Variants in PNPLA1 observed in about 807,000 individuals in gnomAD.
PNPLA1 encodes the protein patatin like domain 1, omega-hydroxyceramide transacylase, also known as omega-hydroxyceramide transacylase.
Under a neutral mutation model 51.7 loss-of-function variants are expected in PNPLA1, and 36 were observed. The ratio of observed to expected loss-of-function variants is 0.70; its 90% CI spans 0.53 to 0.92. The LOEUF (loss-of-function observed/expected upper bound fraction) is 0.92. PNPLA1 is among the 40% of genes least tolerant of loss of function. The pLI is 0.00. For missense variants in PNPLA1, 658 were observed against 682.5 expected, an observed-to-expected ratio of 0.96 and a Z score of 0.40; for synonymous variants, 293 against 280.1, an observed-to-expected ratio of 1.05 and a Z score of -0.46.
At chr6:36,282,044 GGAAAGAAAGAAA>G (rs553265176) in intron 1 of PNPLA1, among the ~76,000 whole-genome samples, 2 of 34,568 alleles carry the variant, frequency 5.8e-5, no homozygotes, top group South Asian at 1.1e-3. Flanking sequence ...AAAGAAAGAA[GGAAAGAAAGAAA>G]GAAAGAAAGA....
rs1274268192 is a variant in PNPLA1, at chr6:36,295,352, C to T, written c.715-12C>T. ...GCAGCCTTGGTAATTCTCCTGGTGC[C>T]TCCGCCCACAGATCCTGCACGATTA... is the stretch of plus-strand genomic sequence containing the variant. On this transcript the variant is annotated splice_polypyrimidine_tract_variant and intron_variant, in intron 4 of 8. Coordinates refer to ENST00000636260, the MANE Select transcript of PNPLA1 (RefSeq NM_001374623.1). 6.2e-7 allele frequency: 1 copy of T among 1,614,066 alleles called. No homozygotes were observed. Among genetic ancestry groups the T allele is most frequent in the Non-Finnish European group, 8.5e-7 (1 of 1,180,016 alleles).
At chr6:36,303,188 G>A (rs1049002928) in intron 6 of PNPLA1, among the ~76,000 whole-genome samples, 5 of 151,998 alleles carry the variant, frequency 3.3e-5, no homozygotes, top group African/African-American at 7.2e-5. Flanking sequence ...TCTGCCTCCC[G>A]GGTTCACGCC....
At chr6:36,253,053 A>G (rs1168095212) in intron 1 of PNPLA1, among the ~76,000 whole-genome samples, 3 of 152,056 alleles carry the variant, frequency 2.0e-5, no homozygotes, top group East Asian at 3.9e-4. Context: ...GGTGGCATGC[A>G]CCTGTAGTCC....
intron 7 of PNPLA1, among the ~76,000 whole-genome samples, chr6:36,307,263 A>G (rs1046342239): frequency 1.3e-5 from 2 of 152,324 alleles, no homozygotes; most frequent in Admixed American, 6.5e-5. Flanking sequence ...AATTTTAACC[A>G]TAAAACTTTT....
At chr6:36,284,102 G>T (rs756328363) in intron 1 of PNPLA1, among the ~76,000 whole-genome samples, 1 of 152,294 alleles carries the variant, frequency 6.6e-6, no homozygotes, top group African/African-American at 2.4e-5. Context: ...CCTGGATTCT[G>T]GGGGGAAAAG....
chr6:36,282,237 A>AGAAGGAAG (rs1770339182), intron 1 of PNPLA1, among the ~76,000 whole-genome samples: 2 of 32,092 alleles, frequency 6.2e-5, no homozygotes, highest in Non-Finnish European at 1.5e-4. Flanking sequence ...AAGGAAGGAA[A>AGAAGGAAG]GAAAGAAAGA....
upstream of PNPLA1, among the ~76,000 whole-genome samples, chr6:36,265,735 G>A (rs1458605736): frequency 1.3e-5 from 2 of 152,170 alleles, no homozygotes; most frequent in African/African-American, 4.8e-5. Context: ...CACACAAATG[G>A]TGTGGGGGTT....
chr6:36,243,678 T>C (rs111895061), intron 1 of PNPLA1, among the ~76,000 whole-genome samples: 147 of 152,258 alleles, frequency 9.7e-4, no homozygotes, highest in African/African-American at 3.4e-3. Flanking sequence ...GGGGCTTTGC[T>C]CTGGGAGGAA....
chr6:36,282,285 A>G (rs951978838), intron 1 of PNPLA1, among the ~76,000 whole-genome samples: 4 of 152,194 alleles, frequency 2.6e-5, no homozygotes, highest in African/African-American at 7.2e-5. Flanking sequence ...ATCAAATGGC[A>G]TGACAAATAC....
At chr6:36,300,178 T>TGTGTGTGTGAGAGAGAGAGAGA in intron 5 of PNPLA1, among the ~76,000 whole-genome samples, 120 of 98,130 alleles carry the variant, frequency 1.2e-3, no homozygotes, top group Admixed American at 2.5e-3. Flanking sequence ...TGTGTGTGTG[T>TGTGTGTGTGAGAGAGAGAGAGA]GAGAGAGAGA....
chr6:36,263,641 T>A (rs931661816), intron 1 of PNPLA1, among the ~76,000 whole-genome samples: 2 of 152,174 alleles, frequency 1.3e-5, no homozygotes, highest in African/African-American at 4.8e-5. Flanking sequence ...ATGCCCATTG[T>A]ATTAACCATG....
chr6:36,272,676 A>T (rs1232344000), intron 1 of PNPLA1, among the ~76,000 whole-genome samples: 1 of 152,108 alleles, frequency 6.6e-6, no homozygotes, highest in Non-Finnish European at 1.5e-5. Flanking sequence ...TGGATTCAGG[A>T]CGTGCTTTGA....
Position 36,291,351 on chromosome 6 carries a change from G to A in PNPLA1, c.237G>A (p.Val79=), listed in dbSNP as rs966574853. 4 of 1,614,026 alleles carry A rather than the reference G, an allele frequency of 2.5e-6. No individual in the cohort carries two copies. In the African/African-American group the frequency reaches 5.3e-5, roughly 22 times the overall value. Residue 79 remains valine (V), a synonymous_variant, in exon 2 of 9, where the codon GTG becomes GTA. Transcript: ENST00000636260. ...ATCTCAGAGTCCTCAACGTGGGTGT[G>A]GCCGAGGTGAAGAAATCCTTCCTGG... ...DEYLRVLNVG[V]AEVKKSFLGP...
At chr6:36,307,497 G>C in intron 7 of PNPLA1, 90 bp from the exon 8 acceptor site, 1 of 1,487,680 alleles carries the variant, frequency 6.7e-7, no homozygotes, top group Non-Finnish European at 9.1e-7. Flanking sequence ...CACAGCGCGG[G>C]TGTGTCCACC....
At chr6:36,296,389 T>A (rs925438865) in intron 5 of PNPLA1, among the ~76,000 whole-genome samples, 2 of 152,234 alleles carry the variant, frequency 1.3e-5, no homozygotes, top group Non-Finnish European at 2.9e-5. Flanking sequence ...AGCATTTTCC[T>A]TGTTGCCACA....
rs112540481 is a variant in PNPLA1 at position 36,313,612 on chromosome 6, G to T, written c.*1726G>T. 0.016 allele frequency among the ~76,000 whole-genome samples: 2,373 copies of T among 152,320 alleles called. 20 individuals are homozygous for T. The highest frequency in any genetic ancestry group is 0.061 in the Middle Eastern group (18 of 294). ...CCTGAAAATGGTCAAAGTCCCAGGGGTCTTGCATCCTCTGCCTACTCTGGT... is the reference window on the plus strand; with the variant it reads ...CCTGAAAATGGTCAAAGTCCCAGGGTTCTTGCATCCTCTGCCTACTCTGGT... On this transcript the variant is annotated 3_prime_UTR_variant, in exon 9 of 9. Coordinates refer to ENST00000636260, the MANE Select transcript of PNPLA1 (RefSeq NM_001374623.1).
rs1459946248 is a variant in PNPLA1 at position 36,312,406 on chromosome 6, G to A, written c.*520G>A. Among the ~76,000 whole-genome samples, 9 of 152,176 alleles carry A rather than the reference G, an allele frequency of 5.9e-5. No individual in the cohort carries two copies. ...GTGTAATGAAATGAACCCCCTAACT[G>A]GCTTTTGGTGTAGCTTGAGATTTCC... On this transcript the variant is annotated 3_prime_UTR_variant, in exon 9 of 9. Transcript: ENST00000636260.
upstream of PNPLA1, among the ~76,000 whole-genome samples, chr6:36,269,348 T>G (rs1020063073): frequency 6.6e-6 from 1 of 152,164 alleles, no homozygotes; most frequent in Non-Finnish European, 1.5e-5. Context: ...CAGGACCACA[T>G]GATACAGCCC....
At chr6:36,304,479 T>C (rs1009811009) in intron 6 of PNPLA1, among the ~76,000 whole-genome samples, 3 of 151,724 alleles carry the variant, frequency 2.0e-5, no homozygotes, top group African/African-American at 7.3e-5. Context: ...TACAAAAAAT[T>C]AGCCGGGCAT....
Sources: gnomAD v4.1 joint callset for allele counts (sites outside exome capture counted in the v4.1 genomes callset) on GRCh38, gnomAD v4.1.1 for gene constraint, MANE v1.5 for transcripts, NCBI Gene and HGNC (gene_info 2026-07-23, HGNC 2026-07-21) for gene names.